MCF2L: variants seen among roughly 807,000 people sequenced by gnomAD.
MCF2L encodes MCF.2 cell line derived transforming sequence like, also known as guanine nucleotide exchange factor DBS.
MCF2L carries 97 observed loss-of-function variants against 153.4 expected under a neutral mutation model. The ratio of observed to expected loss-of-function variants is 0.63; its 90% CI spans 0.54 to 0.75. MCF2L has a LOEUF of 0.75. MCF2L is among the 30% of genes least tolerant of loss of function. MCF2L has a pLI of 0.00. For missense variants in MCF2L, 1,347 were observed against 1,495.2 expected (o/e 0.90, Z 1.64); for synonymous variants, 659 against 632.2 (o/e 1.04, Z -0.64).
At chr13:112,970,755 C>T (rs566839041) in intron 1 of MCF2L, among the ~76,000 whole-genome samples, 2 of 152,234 alleles carry the variant, frequency 1.3e-5, no homozygotes, top group East Asian at 3.9e-4. Flanking sequence ...ATTGGGGTTT[C>T]TTCATGAGCT....
rs866172002 is a variant in MCF2L at position 112,984,641 on chromosome 13, G to A, written c.79+15183G>A. On this transcript the variant is annotated intron_variant, in intron 1 of 29. Transcript: ENST00000535094. ...GATAAATACATTTGAGGCACCCAGG[G>A]TGAGTGATCTCAGCGGAATTCCCCT... is the stretch of plus-strand genomic sequence containing the variant. Among the ~76,000 whole-genome samples, 28 of 152,344 alleles carry A rather than the reference G, an allele frequency of 1.8e-4. 1 individual carries two copies. Among genetic ancestry groups the A allele is most frequent in the Middle Eastern group, 3.4e-3 (1 of 294 alleles).
In MCF2L at chr13:113,026,953, C is replaced by T. The variant is rs114751886; in HGVS notation, c.278+2195C>T. 1.1e-3 allele frequency: 865 copies of T among 777,652 alleles called. 4 individuals carry two copies. In the African/African-American group the frequency reaches 0.013, roughly 12 times the overall value. 48.2% of individuals were successfully genotyped at this position (777,652 alleles called of 1,614,324 possible). On this transcript the variant is annotated intron_variant, in intron 3 of 29. Transcript: ENST00000535094. The stretch of plus-strand genomic sequence containing the variant: ...GCGGGGGTCTCTCATCTGATGTGCT[C>T]GTCCCAGCCTCCAGGAAGATGCTGA...
In MCF2L at chr13:113,046,740, C is replaced by A. The variant is rs543526564; in HGVS notation, c.369+1379C>A. 3 of 477,806 alleles carry A rather than the reference C, an allele frequency of 6.3e-6. No homozygotes were observed. Among genetic ancestry groups the A allele is most frequent in the South Asian group, 1.6e-5 (1 of 64,048 alleles). 29.6% of individuals were successfully genotyped at this position (477,806 alleles called of 1,614,324 possible). A position where few individuals can be genotyped will look rare whatever the true frequency, so the allele number is the denominator to read the frequency against. ...CACGGCACCTCTCTGCCCCTCGCCG[C>A]GGCGGATCCCCGTTCCTGACCCTGA... On this transcript the variant is annotated intron_variant, in intron 4 of 29. Coordinates refer to ENST00000535094, the MANE Select transcript of MCF2L (RefSeq NM_001112732.3). This position sits in a 1 kb window ranked among gnomAD's most constrained non-coding sequence, Gnocchi z 4.4.
chr13:112,993,387 C>T lies in MCF2L; in HGVS notation c.80-21376C>T, dbSNP rs1399586213. Among the ~76,000 whole-genome samples the T allele has an allele frequency of 1.3e-5, 2 of 152,154 alleles. No individual in the cohort carries two copies. Among genetic ancestry groups the T allele is most frequent in the African/African-American group, 2.4e-5 (1 of 41,434 alleles). ...GAATTTGACTGTTAGCCACAGAGAC[C>T]GCCAGGAGGGCTTTTAGGAGATATG... On this transcript the variant is annotated intron_variant, in intron 1 of 29. Coordinates refer to ENST00000535094, the MANE Select transcript of MCF2L (RefSeq NM_001112732.3). This position sits in a 1 kb window ranked among gnomAD's most constrained non-coding sequence, Gnocchi z 4.6.
rs371869217 is a variant in MCF2L, at chr13:113,044,930, T to C, written c.279-341T>C. ...TGTTTTGGAGGGTTTAGTCAGCTGG[T>C]CACCCAGGAAAGGAAAATGACTCGG... On this transcript the variant is annotated intron_variant, in intron 3 of 29. Coordinates refer to ENST00000535094, the MANE Select transcript of MCF2L (RefSeq NM_001112732.3). 142 of 1,606,166 alleles carry C rather than the reference T, an allele frequency of 8.8e-5. No homozygotes were observed. The African/African-American group carries it at 1.8e-3, about 20-fold the overall frequency.
At chr13:112,980,719 C>G (rs2082387897) in intron 1 of MCF2L, among the ~76,000 whole-genome samples, 1 of 135,676 alleles carries the variant, frequency 7.4e-6, no homozygotes, top group Non-Finnish European at 1.6e-5. Flanking sequence ...CACTCACTGC[C>G]GGTCAGCTGA....
intron 1 of MCF2L, among the ~76,000 whole-genome samples, chr13:113,006,959 G>A (rs115807154): frequency 0.029 from 4,430 of 152,240 alleles, 237 homozygotes; most frequent in African/African-American, 0.1. Flanking sequence ...CAGCCAGCCC[G>A]GCCCTTGGGG....
intron 8 of MCF2L, 84 bp downstream of exon 8, chr13:113,066,254 C>G (rs2032341887): frequency 1.4e-6 from 2 of 1,457,390 alleles, no homozygotes; most frequent in Non-Finnish European, 1.8e-6. Flanking sequence ...GCAAAAGAAA[C>G]AGGCCACGGA....
chr13:113,022,707 G>A (rs2084965798), intron 2 of MCF2L, among the ~76,000 whole-genome samples: 1 of 152,228 alleles, frequency 6.6e-6, no homozygotes, highest in Non-Finnish European at 1.5e-5. Context: ...CCTGATCATT[G>A]TGGTAGGTGC....
intron 4 of MCF2L, among the ~76,000 whole-genome samples, chr13:113,056,721 C>T (rs1425200007): frequency 1.8e-5 from 2 of 113,794 alleles, no homozygotes; most frequent in African/African-American, 3.5e-5. Context: ...TGTTTGGGTG[C>T]TGAGTGGGTG....
chr13:113,087,513 A>G (rs1595001945), intron 22 of MCF2L, 57 bp downstream of exon 22: 1 of 1,426,438 alleles, frequency 7.0e-7, no homozygotes, highest in Non-Finnish European at 9.6e-7. Flanking sequence ...CGACGGGGGA[A>G]GTCTGTAACT....
chr13:113,022,591 C>T lies in MCF2L; in HGVS notation c.164-2053C>T, dbSNP rs371706162. ...GGAAAGGAAAGGCAGGCGCAGGCTG[C>T]GGCCGTTTCCACAATCCACCTCGTA... On this transcript the variant is annotated intron_variant, in intron 2 of 29. Coordinates refer to ENST00000535094, the MANE Select transcript of MCF2L (RefSeq NM_001112732.3). Among the ~76,000 whole-genome samples the T allele has an allele frequency of 1.9e-4, 29 of 152,380 alleles. No individual in the cohort carries two copies. The South Asian group carries it at 3.5e-3, about 18-fold the overall frequency.
upstream of MCF2L, among the ~76,000 whole-genome samples, chr13:112,968,150 G>GT (rs993177303): frequency 6.9e-6 from 1 of 144,666 alleles, no homozygotes; most frequent in African/African-American, 2.5e-5. Flanking sequence ...GGTGGGGGGG[G>GT]GGGTCTTGCT....
At chr13:112,944,659 T>G (rs1219767128) in intron 2 of MCF2L, among the ~76,000 whole-genome samples, 8 of 151,692 alleles carry the variant, frequency 5.3e-5, no homozygotes, top group Non-Finnish European at 4.4e-5. Flanking sequence ...GCTAATTTTT[T>G]GTATTTTTAG....
At chr13:113,023,133 C>G (rs571245724) in intron 2 of MCF2L, among the ~76,000 whole-genome samples, 1 of 152,344 alleles carries the variant, frequency 6.6e-6, no homozygotes, top group South Asian at 2.1e-4. Context: ...GGGGCCGTCA[C>G]GGTGTGTGGA....
intron 22 of MCF2L, 75 bp from the exon 23 acceptor site, chr13:113,087,632 T>C: frequency 7.5e-7 from 1 of 1,331,452 alleles, no homozygotes; most frequent in Non-Finnish European, 1.1e-6. Context: ...ATTTCGTGCC[T>C]GCACCAACAC....
Position 113,087,745 on chromosome 13 carries a change from T to G in MCF2L, c.2634T>G (p.Asp878Glu). Residue 878 changes from aspartate (D) to glutamate (E), a missense_variant, in exon 23 of 30, where the codon GAT becomes GAG. This residue lies in a region of MCF2L where 383 missense variants were observed against 335.4 expected (regional missense o/e 1.14). Transcript: ENST00000535094. The part of the protein sequence containing the change: ...AVGITENVKG[D>E]AKKFEIWYNA... ...GCATTACGGAGAACGTGAAGGGAGATGCTAAGAAGTTCGAGATCTGGTACA... is the reference window on the plus strand; with the variant it reads ...GCATTACGGAGAACGTGAAGGGAGAGGCTAAGAAGTTCGAGATCTGGTACA... The G allele has an allele frequency of 1.9e-6, 3 of 1,614,086 alleles. No homozygotes were observed. The highest frequency in any genetic ancestry group is 2.5e-6 in the Non-Finnish European group (3 of 1,180,024).
chr13:113,078,644 C>G, intron 14 of MCF2L, 22 bp from the exon 15 acceptor site: 1 of 1,607,070 alleles, frequency 6.2e-7, no homozygotes, highest in Non-Finnish European at 8.5e-7. Flanking sequence ...CCTTTCAGAC[C>G]TGACGCTGTT....
rs1370920782 is a variant in MCF2L, at chr13:112,904,917, T to G, written c.169+2546T>G. Among the ~76,000 whole-genome samples, 2 of 152,360 alleles carry G rather than the reference T, an allele frequency of 1.3e-5. No individual in the cohort carries two copies. Among genetic ancestry groups the G allele is most frequent in the African/African-American group, 4.8e-5 (2 of 41,594 alleles). ...TTTCGAAATCAGTGATAGTTTTTTTTGTCATAAAATAGACACCCATGAAAT... is the reference window on the plus strand; with the variant it reads ...TTTCGAAATCAGTGATAGTTTTTTTGGTCATAAAATAGACACCCATGAAAT... On this transcript the variant is annotated intron_variant, in intron 2 of 29. Coordinates refer to the MCF2L transcript ENST00000375608. This position sits in a 1 kb window ranked among gnomAD's most constrained non-coding sequence, Gnocchi z 4.2.
Sources: allele counts gnomAD v4.1 joint callset (sites outside exome capture counted in the v4.1 genomes callset), GRCh38; gene constraint gnomAD v4.1.1; regional missense constraint gnomAD v4.1.1; non-coding constraint Gnocchi (gnomAD v3.1); transcripts MANE v1.5; gene names NCBI Gene and HGNC (gene_info 2026-07-23, HGNC 2026-07-21).